Variants in SLTM observed in about 807,000 individuals in gnomAD.
SLTM encodes the protein SAFB-like transcription modulator.
SLTM carries 43 observed loss-of-function variants against 134.6 expected under a neutral mutation model. The observed-to-expected ratio is 0.32, with a 90% CI of 0.25 to 0.41. The LOEUF (loss-of-function observed/expected upper bound fraction) is 0.41, where lower values mean the gene tolerates loss of function less well. Ranked by LOEUF, SLTM falls within the 10% of genes least tolerant of loss-of-function variation. The probability of loss-of-function intolerance (pLI) is 1.00; values close to 1 mark genes in which losing one functional copy is unlikely to be tolerated. For missense variants in SLTM, 1,055 were observed against 1,288.8 expected (o/e 0.82, Z 2.78); for synonymous variants, 424 against 432.3 (o/e 0.98, Z 0.24).
At chr15:58,914,330 A>T (rs550347354) in intron 3 of SLTM, among the ~76,000 whole-genome samples, 1 of 152,370 alleles carries the variant, frequency 6.6e-6, no homozygotes, top group Admixed American at 6.5e-5. Flanking sequence ...AAAAGGGGTG[A>T]AAGCAATAAA....
intron 2 of SLTM, among the ~76,000 whole-genome samples, chr15:58,930,542 AAAAT>A (rs1466366552): frequency 1.3e-5 from 2 of 151,728 alleles, no homozygotes; most frequent in Non-Finnish European, 1.5e-5. Flanking sequence ...CATACTGATA[AAAAT>A]AAATAATGTT....
chr15:58,892,472 T>G (rs1156849737), intron 14 of SLTM, among the ~76,000 whole-genome samples: 2 of 152,202 alleles, frequency 1.3e-5, no homozygotes, highest in Non-Finnish European at 2.9e-5. Flanking sequence ...CTGTAGCTAC[T>G]TTGAAACTAT....
At chr15:58,905,212 T>C (rs1372462063) in intron 5 of SLTM, among the ~76,000 whole-genome samples, 2 of 152,162 alleles carry the variant, frequency 1.3e-5, no homozygotes, top group Non-Finnish European at 2.9e-5. Flanking sequence ...CAATTTGCAA[T>C]ATTTGGAAAG....
chr15:58,926,207 G>A (rs1648107984), intron 2 of SLTM, among the ~76,000 whole-genome samples: 1 of 152,124 alleles, frequency 6.6e-6, no homozygotes, highest in East Asian at 1.9e-4. Context: ...ACTAAGACAA[G>A]TGAATCTATT....
chr15:58,909,707 C>T (rs2036123151), intron 5 of SLTM, among the ~76,000 whole-genome samples: 1 of 152,176 alleles, frequency 6.6e-6, no homozygotes, highest in African/African-American at 2.4e-5. Context: ...GGTGTTAACG[C>T]TGAATCTGAG....
At chr15:58,880,179 T>G in intron 20 of SLTM, 72 bp from the exon 21 acceptor site, 4 of 1,535,308 alleles carry the variant, frequency 2.6e-6, no homozygotes, top group Non-Finnish European at 3.5e-6. Context: ...CCAGGCACTG[T>G]TCTTGGTACT....
In SLTM at chr15:58,913,531, C is replaced by G; in HGVS notation, c.481G>C (p.Glu161Gln). Reference protein sequence around the residue: ...AHELIEAEGIEDIEKEDIESQ... With the variant: ...AHELIEAEGIQDIEKEDIESQ... ...TCGATGTCCTCTTTTTCTATATCTT[C>G]TATTCCTTCTGCCTCTATTAATTCA... Residue 161 changes from glutamate to glutamine, a missense_variant, in exon 4 of 21, where the codon GAA becomes CAA. This residue lies in a region of SLTM where 268 missense variants were observed against 284.3 expected (regional missense o/e 0.94). Coordinates refer to ENST00000380516, the MANE Select transcript of SLTM (RefSeq NM_024755.4). 6.2e-7 allele frequency: 1 copy of G among 1,612,242 alleles called. No individual in the cohort carries two copies. The highest frequency in any genetic ancestry group is 2.2e-5 in the East Asian group (1 of 44,784).
chr15:58,891,243 G>A (rs529869638), intron 14 of SLTM, among the ~76,000 whole-genome samples: 6 of 152,270 alleles, frequency 3.9e-5, no homozygotes, highest in African/African-American at 1.4e-4. Context: ...AGTGTATGAG[G>A]ATGAAGGTAT....
rs2141026530 is a variant in SLTM at position 58,899,526 on chromosome 15, T to C, written c.1001A>G (p.Glu334Gly). ...GGGCCCTTTCTTCAAAGTATCCTTT[T>C]CTTTGTCTCCAGATTCTGCTTTCTT... ...SSKKAESGDK[E>G]KDTLKKGPSS... The change falls in exon 7 of 21, where the codon GAA (glutamate) becomes GGA (glycine). Residue 334 changes from glutamate (E) to glycine (G), a missense_variant. Physicochemically the swap from Glu to Gly is moderately conservative, Grantham distance 98. Transcript: ENST00000380516. This position sits in a 1 kb window ranked among gnomAD's most constrained non-coding sequence, Gnocchi z 5.0. The C allele has an allele frequency of 6.2e-7, 1 of 1,614,178 alleles. No individual in the cohort carries two copies. Among genetic ancestry groups the C allele is most frequent in the Non-Finnish European group, 8.5e-7 (1 of 1,179,994 alleles).
Position 58,917,017 on chromosome 15 carries a change from T to C in SLTM, c.251-18A>G, listed in dbSNP as rs1182082714. The C allele has an allele frequency of 1.9e-6, 3 of 1,611,776 alleles. No homozygotes were observed. Among genetic ancestry groups the C allele is most frequent in the Admixed American group, 1.7e-5 (1 of 59,988 alleles). On this transcript the variant is annotated intron_variant, in intron 2 of 20. Transcript: ENST00000380516. Reference sequence around the variant, plus strand: ...TTTTTTACCTGCGAAAGAAGGAAAATGGGCTAACAACCAATATTTTATTAC... The same window carrying C: ...TTTTTTACCTGCGAAAGAAGGAAAACGGGCTAACAACCAATATTTTATTAC...
chr15:58,923,543 G>A (rs1306272675), intron 2 of SLTM, among the ~76,000 whole-genome samples: 13 of 152,000 alleles, frequency 8.6e-5, no homozygotes, highest in African/African-American at 2.7e-4. Flanking sequence ...TATCACACAC[G>A]AGAAAGAATT....
In SLTM at chr15:58,924,230, A is replaced by T. The variant is rs565881471; in HGVS notation, c.251-7231T>A. On this transcript the variant is annotated intron_variant, in intron 2 of 20. Transcript: ENST00000380516. ...AGATTAACCTATCACATCCTAAACT[A>T]TCATAGTAGTAACATAGCTATTTTG... Among the ~76,000 whole-genome samples the T allele has an allele frequency of 9.2e-4, 140 of 152,356 alleles. 1 individual carries two copies. The highest frequency in any genetic ancestry group is 3.3e-3 in the African/African-American group (137 of 41,576).
intron 9 of SLTM, among the ~76,000 whole-genome samples, chr15:58,895,599 A>G (rs2035021246): frequency 2.6e-5 from 4 of 152,222 alleles, no homozygotes; most frequent in Non-Finnish European, 1.5e-5. Flanking sequence ...CAACCCTAGG[A>G]AAGGCTGATT....
intron 2 of SLTM, among the ~76,000 whole-genome samples, chr15:58,922,469 T>C (rs1396846513): frequency 2.8e-5 from 4 of 144,984 alleles, no homozygotes; most frequent in Non-Finnish European, 4.5e-5. Context: ...ATATATAATA[T>C]GTATAGTACA....
At chr15:58,889,775 G>A (rs774672759) in intron 15 of SLTM, among the ~76,000 whole-genome samples, 3 of 152,220 alleles carry the variant, frequency 2.0e-5, no homozygotes, top group Non-Finnish European at 4.4e-5. Context: ...AAGTTGGCAA[G>A]TATTTGGGAA....
chr15:58,896,875 T>A (rs2035119968), intron 9 of SLTM, among the ~76,000 whole-genome samples: 1 of 152,238 alleles, frequency 6.6e-6, no homozygotes, highest in South Asian at 2.1e-4. Context: ...GTCCTTGGCT[T>A]AAATAGGTTT....
intron 2 of SLTM, among the ~76,000 whole-genome samples, chr15:58,922,876 C>T (rs575574263): frequency 2.3e-4 from 35 of 151,822 alleles, no homozygotes; most frequent in South Asian, 4.2e-4. Context: ...CCACCACATC[C>T]AGCTAATTTT....
At chr15:58,898,586 G>A (rs1264630517) in intron 8 of SLTM, 4 of 419,830 alleles carry the variant, frequency 9.5e-6, no homozygotes, top group South Asian at 2.6e-5. Flanking sequence ...GGTTTTTAAC[G>A]TACCCCATTA....
At chr15:58,931,306 A>G (rs2037863546) in intron 2 of SLTM, among the ~76,000 whole-genome samples, 1 of 152,192 alleles carries the variant, frequency 6.6e-6, no homozygotes, top group Non-Finnish European at 1.5e-5. Flanking sequence ...TGGCACAAAC[A>G]GGGGACTCTC....
Sources: gnomAD v4.1 joint callset for allele counts (sites outside exome capture counted in the v4.1 genomes callset) on GRCh38, gnomAD v4.1.1 for gene constraint, gnomAD v4.1.1 regional missense constraint, Gnocchi (gnomAD v3.1) non-coding constraint, MANE v1.5 for transcripts, NCBI Gene and HGNC (gene_info 2026-07-23, HGNC 2026-07-21) for gene names.